The following BCKDHB variants were observed in gnomAD, a reference collection of about 807,000 sequenced individuals.
BCKDHB encodes the protein branched chain keto acid dehydrogenase E1 subunit beta, also known as 2-oxoisovalerate dehydrogenase subunit beta, mitochondrial.
In BCKDHB, 41 loss-of-function variants were observed where a neutral mutation model predicts 48.5. The observed-to-expected ratio is 0.85, with a 90% CI of 0.66 to 1.10. BCKDHB has a LOEUF of 1.10. Among genes scored for constraint, BCKDHB ranks in the 50% least tolerant of loss-of-function variants. The probability of loss-of-function intolerance (pLI) is 0.00; values close to 1 mark genes in which losing one functional copy is unlikely to be tolerated. For synonymous variants in BCKDHB, 201 were observed against 174.8 expected, an observed-to-expected ratio of 1.15 and a Z score of -1.18; for missense variants, 496 against 494.2, an observed-to-expected ratio of 1.00 and a Z score of -0.03.
At chr6:80,230,023 G>GTTTTTTT (rs1215666594) in intron 8 of BCKDHB, among the ~76,000 whole-genome samples, 57 of 89,484 alleles carry the variant, frequency 6.4e-4, no homozygotes, top group African/African-American at 2.1e-3. Flanking sequence ...GGGTTTTTAG[G>GTTTTTTT]TTGTTTTTTT....
chr6:80,151,664 C>T (rs1256750963), intron 3 of BCKDHB, among the ~76,000 whole-genome samples: 2 of 152,080 alleles, frequency 1.3e-5, no homozygotes, highest in African/African-American at 2.4e-5. Flanking sequence ...ACTTAGAATT[C>T]ATTTAATGTC....
At chr6:80,213,750 G>C (rs1775049514) in intron 8 of BCKDHB, among the ~76,000 whole-genome samples, 1 of 150,834 alleles carries the variant, frequency 6.6e-6, no homozygotes, top group South Asian at 2.1e-4. Flanking sequence ...TTTCTCTCCA[G>C]CTCTTTTTCC....
chr6:80,315,811 C>G (rs1768418212), intron 9 of BCKDHB, among the ~76,000 whole-genome samples: 1 of 151,978 alleles, frequency 6.6e-6, no homozygotes, highest in Non-Finnish European at 1.5e-5. Context: ...AAATGAGGCT[C>G]TTAGTAGTTC....
chr6:80,265,003 A>C (rs1242433320), intron 8 of BCKDHB, among the ~76,000 whole-genome samples: 1 of 152,112 alleles, frequency 6.6e-6, no homozygotes, highest in Non-Finnish European at 1.5e-5. Flanking sequence ...TCACAATCAC[A>C]ATGAGATACC....
chr6:80,118,376 C>T (rs75546188), intron 1 of BCKDHB, among the ~76,000 whole-genome samples: 13 of 152,072 alleles, frequency 8.5e-5, no homozygotes, highest in Admixed American at 6.6e-4. Context: ...TTAAGAAATA[C>T]TTTATCGATA....
chr6:80,235,426 G>C (rs1030112246), intron 8 of BCKDHB, among the ~76,000 whole-genome samples: 3 of 152,164 alleles, frequency 2.0e-5, no homozygotes, highest in East Asian at 3.9e-4. Context: ...TTACTTTTGA[G>C]GAAACATGTA....
chr6:80,385,311 T>C, the BCKDHB span, among the ~76,000 whole-genome samples: 2 of 152,206 alleles, frequency 1.3e-5, no homozygotes, highest in African/African-American at 2.4e-5. Flanking sequence ...GCTCTTATCA[T>C]GTGAGTGGCT....
At chr6:80,415,291 A>G in the BCKDHB span, among the ~76,000 whole-genome samples, 1 of 152,118 alleles carries the variant, frequency 6.6e-6, no homozygotes, top group African/African-American at 2.4e-5. Flanking sequence ...CAGAACTTCC[A>G]ATACTATGTT....
intron 8 of BCKDHB, among the ~76,000 whole-genome samples, chr6:80,236,394 T>C (rs1321273003): frequency 6.6e-6 from 1 of 152,236 alleles, no homozygotes; most frequent in Non-Finnish European, 1.5e-5. Context: ...GTCCACTGTT[T>C]GGCTCTGTTG....
chr6:80,285,207 G>A (rs1766569866), intron 9 of BCKDHB, among the ~76,000 whole-genome samples: 1 of 152,052 alleles, frequency 6.6e-6, no homozygotes, highest in Admixed American at 6.6e-5. Context: ...AGTGTATTTT[G>A]TGAGTAATAT....
intron 6 of BCKDHB, among the ~76,000 whole-genome samples, chr6:80,177,080 A>G (rs762172760): frequency 1.5e-4 from 22 of 151,706 alleles, no homozygotes; most frequent in Admixed American, 5.3e-4. Context: ...TGCAAAATGT[A>G]GCCAGGTGTC....
the BCKDHB span, among the ~76,000 whole-genome samples, chr6:80,363,864 G>A: frequency 2.8e-3 from 434 of 152,298 alleles, 1 homozygote; most frequent in African/African-American, 6.2e-3. Flanking sequence ...CAAAAATTAC[G>A]TAGGTGGCTT....
the BCKDHB span, among the ~76,000 whole-genome samples, chr6:80,391,615 C>G: frequency 5.9e-5 from 9 of 152,266 alleles, no homozygotes; most frequent in South Asian, 1.9e-3. Context: ...CTTATGGTCC[C>G]TTTAACTATA....
chr6:80,438,277 C>T, the BCKDHB span, among the ~76,000 whole-genome samples: 1 of 152,196 alleles, frequency 6.6e-6, no homozygotes, highest in Admixed American at 6.5e-5. Context: ...GTTATTTTCT[C>T]ATATCAGAAC....
intron 8 of BCKDHB, among the ~76,000 whole-genome samples, chr6:80,257,976 A>T (rs1777129177): frequency 6.7e-6 from 1 of 149,882 alleles, no homozygotes; most frequent in Admixed American, 6.7e-5. Context: ...CCATCACAAC[A>T]TATATATATA....
chr6:80,196,754 G>C (rs1774148017), intron 6 of BCKDHB, among the ~76,000 whole-genome samples: 1 of 152,126 alleles, frequency 6.6e-6, no homozygotes, highest in African/African-American at 2.4e-5. Flanking sequence ...ATGGGAAATA[G>C]AATGGGGCCA....
At chr6:80,303,566 A>G (rs1206606424) in intron 9 of BCKDHB, among the ~76,000 whole-genome samples, 1 of 152,064 alleles carries the variant, frequency 6.6e-6, no homozygotes, top group African/African-American at 2.4e-5. Context: ...ATTGAAATTG[A>G]GCATTTGGCG....
chr6:80,159,646 A>G (rs1392607623), intron 3 of BCKDHB, among the ~76,000 whole-genome samples: 3 of 152,184 alleles, frequency 2.0e-5, no homozygotes, highest in Non-Finnish European at 4.4e-5. Flanking sequence ...TTTCATCATC[A>G]AGCTTTAATA....
At chr6:80,234,049 C>T (rs1280542668) in intron 8 of BCKDHB, among the ~76,000 whole-genome samples, 1 of 152,128 alleles carries the variant, frequency 6.6e-6, no homozygotes, top group African/African-American at 2.4e-5. Flanking sequence ...CCCTCGCATG[C>T]ACAGTTCACA....
Sources: gnomAD v4.1 joint callset for allele counts (sites outside exome capture counted in the v4.1 genomes callset) on GRCh38, gnomAD v4.1.1 for gene constraint, MANE v1.5 for transcripts, NCBI Gene and HGNC (gene_info 2026-07-23, HGNC 2026-07-21) for gene names.